Variants in RB1 observed in about 807,000 individuals in gnomAD.
The protein encoded by RB1 is RB transcriptional corepressor 1.
A neutral mutation model predicts 135.4 loss-of-function variants in RB1; 18 were observed. The ratio of observed to expected loss-of-function variants is 0.13; its 90% CI spans 0.09 to 0.20. The LOEUF is 0.20. Among genes scored for constraint, RB1 ranks in the 10% least tolerant of loss-of-function variants. The pLI, the probability that RB1 is intolerant of heterozygous loss-of-function variation, is 1.00. For missense variants in RB1, 868 were observed against 1,110.0 expected (o/e 0.78, Z 3.10); for synonymous variants, 365 against 373.2 (o/e 0.98, Z 0.25).
At chr13:48,459,889 C>CTT (rs1949386717) in intron 20 of RB1, 56 bp downstream of exon 20, 10 of 251,986 alleles carry the variant, frequency 4.0e-5, no homozygotes, top group East Asian at 2.1e-4. Context: ...TTAACTGATT[C>CTT]TTTCTTTCTT....
chr13:48,416,769 C>T (rs1284897455), intron 17 of RB1, among the ~76,000 whole-genome samples: 2 of 152,160 alleles, frequency 1.3e-5, no homozygotes, highest in Non-Finnish European at 2.9e-5. Flanking sequence ...TCTGCCATTA[C>T]TGAGGCTTGA....
At chr13:48,398,747 C>G (rs1472219582) in intron 17 of RB1, among the ~76,000 whole-genome samples, 1 of 151,908 alleles carries the variant, frequency 6.6e-6, no homozygotes, top group Non-Finnish European at 1.5e-5. Flanking sequence ...TTTACTACCT[C>G]TATAATATAT....
intron 17 of RB1, among the ~76,000 whole-genome samples, chr13:48,400,940 G>A (rs1948686483): frequency 1.3e-5 from 2 of 151,984 alleles, no homozygotes. Context: ...CTTCTCTTGA[G>A]GCACCCCTCC....
At position 48,464,958 on chromosome 13, in the gene RB1, C is replaced by CTTTTTTTTTTTTTTTTTT. The variant is rs553094345; in HGVS notation, c.2212-33_2212-16dup. 8.4e-5 allele frequency: 70 copies of CTTTTTTTTTTTTTTTTTT among 832,616 alleles called. 1 individual carries two copies. Among genetic ancestry groups the CTTTTTTTTTTTTTTTTTT allele is most frequent in the East Asian group, 3.2e-4 (6 of 19,010 alleles). 51.6% of individuals were successfully genotyped at this position (832,616 alleles called of 1,614,324 possible). On this transcript the variant is annotated intron_variant, in intron 21 of 26. Transcript: ENST00000267163. ...AAATTCATTTAACAAGTAAATTTTA[C>CTTTTTTTTTTTTTTTTTT]TTTTTTTTTTTTTTTTTTTTTTTTA...
intron 7 of RB1, among the ~76,000 whole-genome samples, chr13:48,362,136 C>T (rs890401886): frequency 3.3e-5 from 5 of 151,648 alleles, no homozygotes; most frequent in Non-Finnish European, 5.9e-5. Context: ...TTAGTAGAGA[C>T]GGGGTTTCAC....
intron 17 of RB1, among the ~76,000 whole-genome samples, chr13:48,409,314 C>T (rs1447951230): frequency 6.6e-6 from 1 of 151,572 alleles, no homozygotes; most frequent in East Asian, 1.9e-4. Context: ...AAAGAAAACC[C>T]CCCACTGTTA....
chr13:48,410,811 T>C (rs1204146398), intron 17 of RB1, among the ~76,000 whole-genome samples: 1 of 152,172 alleles, frequency 6.6e-6, no homozygotes, highest in Non-Finnish European at 1.5e-5. Flanking sequence ...CAAAATGTTA[T>C]CAATGTGTTA....
At chr13:48,439,220 A>T (rs972358130) in intron 17 of RB1, among the ~76,000 whole-genome samples, 4 of 152,336 alleles carry the variant, frequency 2.6e-5, no homozygotes, top group African/African-American at 7.2e-5. Flanking sequence ...TCTATAAAAT[A>T]CACATATCTA....
At position 48,381,372 on chromosome 13, in the gene RB1, T is replaced by G; in HGVS notation, c.1624T>G (p.Leu542Val). Residue 542 changes from leucine to valine, a missense_variant, in exon 17 of 27, where the codon TTG becomes GTG. This residue lies in a region of RB1 where 641 missense variants were observed against 791.3 expected (regional missense o/e 0.81). Coordinates refer to ENST00000267163, the MANE Select transcript of RB1 (RefSeq NM_000321.3). ...IESFIKAEGN[L>V]TREMIKHLER... ...AAGTTTTATCAAAGCAGAAGGCAAC[T>G]TGACAAGAGAAATGATAAAACATTT... 1 of 1,612,448 alleles carries G rather than the reference T, an allele frequency of 6.2e-7. No individual in the cohort carries two copies. The highest frequency in any genetic ancestry group is 2.2e-5 in the East Asian group (1 of 44,740).
At chr13:48,422,009 A>G (rs985643093) in intron 17 of RB1, among the ~76,000 whole-genome samples, 6 of 152,352 alleles carry the variant, frequency 3.9e-5, no homozygotes, top group African/African-American at 1.4e-4. Context: ...CAGCAAGCCC[A>G]TTACTGGGTA....
chr13:48,439,576 T>A (rs1012465142), intron 17 of RB1: 1 of 152,154 alleles, frequency 6.6e-6, no homozygotes, highest in Non-Finnish European at 1.5e-5. Context: ...AAACTAAAGT[T>A]AATGAAATGT....
At chr13:48,352,621 A>G (rs1439279099) in intron 6 of RB1, among the ~76,000 whole-genome samples, 2 of 151,898 alleles carry the variant, frequency 1.3e-5, no homozygotes, top group Non-Finnish European at 2.9e-5. Flanking sequence ...GCAATTTTTA[A>G]TGGGATTGCC....
At chr13:48,376,792 T>C (rs118039740) in intron 12 of RB1, 126 bp from the exon 13 acceptor site, 3 of 1,413,870 alleles carry the variant, frequency 2.1e-6, no homozygotes, top group South Asian at 1.2e-5. Context: ...TGTGGTTACC[T>C]AGTTATTATG....
chr13:48,441,861 C>A lies in RB1; in HGVS notation c.1696-11132C>A, dbSNP rs533047582. 2.0e-5 allele frequency among the ~76,000 whole-genome samples: 3 copies of A among 152,226 alleles called. No individual in the cohort carries two copies. In the East Asian group the frequency reaches 5.8e-4, roughly 29 times the overall value. On this transcript the variant is annotated intron_variant, in intron 17 of 26. Transcript: ENST00000267163. Reference sequence around the variant, plus strand: ...AGAGGCAGGAATTATTTAAAAATGACTTTAATTTTGATCATTTAATTATAG... The same window carrying A: ...AGAGGCAGGAATTATTTAAAAATGAATTTAATTTTGATCATTTAATTATAG...
At chr13:48,430,603 G>A (rs1414359480) in intron 17 of RB1, among the ~76,000 whole-genome samples, 1 of 152,120 alleles carries the variant, frequency 6.6e-6, no homozygotes, top group Admixed American at 6.6e-5. Flanking sequence ...AGCTGGGCAT[G>A]GTGGCACGTG....
chr13:48,466,539 C>T (rs1280303224), intron 23 of RB1, among the ~76,000 whole-genome samples: 6 of 152,038 alleles, frequency 3.9e-5, no homozygotes, highest in Admixed American at 6.6e-5. Context: ...TCACCAGCAA[C>T]GGAACAAAGT....
intron 2 of RB1, among the ~76,000 whole-genome samples, chr13:48,324,417 T>C (rs1010996589): frequency 7.5e-6 from 1 of 133,998 alleles, no homozygotes; most frequent in African/African-American, 2.9e-5. Context: ...CTACTCTGTC[T>C]CCATGAGTTC....
chr13:48,304,987 A>G (rs1012694183), intron 1 of RB1, among the ~76,000 whole-genome samples: 1 of 152,198 alleles, frequency 6.6e-6, no homozygotes, highest in Admixed American at 6.5e-5. Flanking sequence ...ATACGAATGC[A>G]CTAGATCTTG....
At chr13:48,374,280 C>G (rs1268282817) in intron 12 of RB1, among the ~76,000 whole-genome samples, 1 of 152,146 alleles carries the variant, frequency 6.6e-6, no homozygotes, top group African/African-American at 2.4e-5. Flanking sequence ...ATGAAACTAT[C>G]ATCTATATTG....
Sources: gnomAD v4.1 joint callset for allele counts (sites outside exome capture counted in the v4.1 genomes callset) on GRCh38, gnomAD v4.1.1 for gene constraint, gnomAD v4.1.1 regional missense constraint, MANE v1.5 for transcripts, NCBI Gene and HGNC (gene_info 2026-07-23, HGNC 2026-07-21) for gene names.